Variants in AHNAK observed in about 807,000 individuals in gnomAD.
AHNAK encodes the protein AHNAK nucleoprotein, also known as neuroblast differentiation-associated protein AHNAK.
A neutral mutation model predicts 37.8 loss-of-function variants in AHNAK; 23 were observed. That is an observed-to-expected ratio of 0.61 (90% CI 0.44 to 0.86). The LOEUF (loss-of-function observed/expected upper bound fraction) is 0.86, where lower values mean the gene tolerates loss of function less well. Among genes scored for constraint, AHNAK ranks in the 40% least tolerant of loss-of-function variants. AHNAK has a pLI of 0.00. For missense variants in AHNAK, 7,411 were observed against 7,319.4 expected (o/e 1.01, Z -0.46); for synonymous variants, 2,481 against 2,636.3 (o/e 0.94, Z 1.80).
chr11:62,437,557 C>G (rs558093717), intron 5 of AHNAK, among the ~76,000 whole-genome samples: 1 of 152,270 alleles, frequency 6.6e-6, no homozygotes, highest in African/African-American at 2.4e-5. Context: ...CGGGGTTTCA[C>G]CATATTGGCA....
At chr11:62,470,083 T>C (rs1487118710) in intron 5 of AHNAK, among the ~76,000 whole-genome samples, 1 of 151,962 alleles carries the variant, frequency 6.6e-6, no homozygotes, top group Middle Eastern at 3.2e-3. Flanking sequence ...GGTGGGCGGA[T>C]CACAAAGTCA....
In AHNAK at chr11:62,522,525, T is replaced by G; in HGVS notation, c.11892A>C (p.Ser3964=). ...VNLPKADLDV[S]GPKVDVDVPD... is the part of the protein sequence containing the mutation. ...GAACATCAACGTCCACCTTGGGTCC[T>G]GAGACGTCAAGGTCAGCCTTGGGCA... is the stretch of plus-strand genomic sequence containing the variant. Residue 3964 remains serine, a synonymous_variant, in exon 5 of 5, where the codon TCA becomes TCC. Coordinates refer to ENST00000378024, the MANE Select transcript of AHNAK (RefSeq NM_001620.3). 6.2e-7 allele frequency: 1 copy of G among 1,613,996 alleles called. No homozygotes were observed. The highest frequency in any genetic ancestry group is 8.5e-7 in the Non-Finnish European group (1 of 1,180,026).
intron 5 of AHNAK, among the ~76,000 whole-genome samples, chr11:62,488,470 C>T (rs528304805): frequency 1.3e-5 from 2 of 151,926 alleles, no homozygotes; most frequent in African/African-American, 2.4e-5. Context: ...GGCGCGATCC[C>T]AGTTCACTGC....
chr11:62,462,155 CT>C (rs1233959981), intron 5 of AHNAK, among the ~76,000 whole-genome samples: 7 of 152,152 alleles, frequency 4.6e-5, no homozygotes, highest in African/African-American at 1.7e-4. Context: ...TGGAACTCCT[CT>C]TGTCAGCGTC....
intron 5 of AHNAK, among the ~76,000 whole-genome samples, chr11:62,486,913 T>G (rs1939407345): frequency 6.6e-6 from 1 of 151,978 alleles, no homozygotes; most frequent in Non-Finnish European, 1.5e-5. Context: ...TCTGCCCCCA[T>G]CCCACCAAGA....
intron 5 of AHNAK, among the ~76,000 whole-genome samples, chr11:62,457,710 T>G (rs1938691589): frequency 1.3e-5 from 2 of 152,086 alleles, no homozygotes; most frequent in Non-Finnish European, 2.9e-5. Flanking sequence ...ATTTCTCACT[T>G]ATAAGTGGGA....
intron 5 of AHNAK, among the ~76,000 whole-genome samples, chr11:62,484,734 T>C (rs1939353947): frequency 6.6e-6 from 1 of 152,132 alleles, no homozygotes; most frequent in South Asian, 2.1e-4. Flanking sequence ...CCACGGAAGG[T>C]CATGAGTGAG....
intron 5 of AHNAK, among the ~76,000 whole-genome samples, chr11:62,451,573 A>G (rs7936094): frequency 0.15 from 23,402 of 151,792 alleles, 2,010 homozygotes; most frequent in African/African-American, 0.21. Flanking sequence ...CCCCGTCTCT[A>G]CTAGAAATAC....
chr11:62,488,053 G>A (rs913756625), intron 5 of AHNAK, among the ~76,000 whole-genome samples: 4 of 152,168 alleles, frequency 2.6e-5, no homozygotes, highest in African/African-American at 9.7e-5. Context: ...GAAAAGCCAC[G>A]GAAGTTCCTC....
chr11:62,508,640 A>G (rs1352607529), intron 4 of AHNAK, among the ~76,000 whole-genome samples: 1 of 152,262 alleles, frequency 6.6e-6, no homozygotes, highest in Non-Finnish European at 1.5e-5. Flanking sequence ...AATGTTCCCT[A>G]CACATTTGCT....
At position 62,521,184 on chromosome 11, in the gene AHNAK, T is replaced by C; in HGVS notation, c.13233A>G (p.Glu4411=). Residue 4411 remains glutamate (E), a synonymous_variant, in exon 5 of 5, where the codon GAA becomes GAG. Coordinates refer to ENST00000378024, the MANE Select transcript of AHNAK (RefSeq NM_001620.3). The part of the protein sequence containing the change: ...GDVDVSLPKV[E]GDLKGPEIDI... ...CAATTTCAGGGCCCTTGAGATCACCTTCCACTTTGGGCAGAGAGACATCCA... is the reference window on the plus strand; with the variant it reads ...CAATTTCAGGGCCCTTGAGATCACCCTCCACTTTGGGCAGAGAGACATCCA... 1.2e-6 allele frequency: 2 copies of C among 1,614,158 alleles called. No individual in the cohort carries two copies. Among genetic ancestry groups the C allele is most frequent in the Non-Finnish European group, 1.7e-6 (2 of 1,180,024 alleles).
At position 62,528,661 on chromosome 11, in the gene AHNAK, G is replaced by T; in HGVS notation, c.5756C>A (p.Ala1919Asp). The stretch of plus-strand genomic sequence containing the variant: ...CACATCAGGCATGGAGATCTTGGGG[G>T]CCTTGAAGTGCATGTCTGGCATCTT... Reference protein sequence around the residue: ...KFKMPDMHFKAPKISMPDVDL... With the variant: ...KFKMPDMHFKDPKISMPDVDL... Residue 1919 changes from alanine to aspartate, a missense_variant, in exon 5 of 5, where the codon GCC becomes GAC. Transcript: ENST00000378024. 6.2e-7 allele frequency: 1 copy of T among 1,609,714 alleles called. No homozygotes were observed. Among genetic ancestry groups the T allele is most frequent in the Non-Finnish European group, 8.5e-7 (1 of 1,179,176 alleles).
chr11:62,544,856 C>T (rs1182489061), intron 1 of AHNAK, among the ~76,000 whole-genome samples: 2 of 152,190 alleles, frequency 1.3e-5, no homozygotes, highest in South Asian at 4.1e-4. Flanking sequence ...CGCCTTCCCC[C>T]ACTCTCAGCT....
intron 5 of AHNAK, among the ~76,000 whole-genome samples, chr11:62,437,344 A>G (rs1439307778): frequency 6.6e-6 from 1 of 152,170 alleles, no homozygotes; most frequent in African/African-American, 2.4e-5. Flanking sequence ...ATAGGCACTC[A>G]AACCCCTCAG....
At chr11:62,484,676 T>G (rs1410726487) in intron 5 of AHNAK, among the ~76,000 whole-genome samples, 2 of 152,182 alleles carry the variant, frequency 1.3e-5, no homozygotes, top group Non-Finnish European at 2.9e-5. Flanking sequence ...TATGGAAGCC[T>G]CTACGCTACC....
At chr11:62,448,625 A>T (rs182539161) in intron 5 of AHNAK, among the ~76,000 whole-genome samples, 17 of 152,326 alleles carry the variant, frequency 1.1e-4, no homozygotes, top group African/African-American at 4.1e-4. Flanking sequence ...TGGGGGAGGC[A>T]AATCATTTTG....
At chr11:62,471,364 G>A (rs1432932494) in intron 5 of AHNAK, among the ~76,000 whole-genome samples, 9 of 152,136 alleles carry the variant, frequency 5.9e-5, no homozygotes, top group African/African-American at 1.4e-4. Flanking sequence ...TAGTAGAGAC[G>A]GAGTTTCGCC....
Position 62,531,845 on chromosome 11 carries a change from T to C in AHNAK, c.2572A>G (p.Lys858Glu), listed in dbSNP as rs200124790. 1.6e-5 allele frequency: 26 copies of C among 1,613,688 alleles called. No individual in the cohort carries two copies. In the Middle Eastern group the frequency reaches 6.6e-4, roughly 41 times the overall value. ...KVPDVELKSA[K>E]MDIDVPDVEV... ...ACATCTGGGACATCAATGTCCATTTTGGCACTTTTAAGTTCAACATCAGGA... is the reference window on the plus strand; with the variant it reads ...ACATCTGGGACATCAATGTCCATTTCGGCACTTTTAAGTTCAACATCAGGA... The change falls in exon 5 of 5, where the codon AAA becomes GAA. Residue 858 changes from lysine (K) to glutamate (E), a missense_variant. Coordinates refer to ENST00000378024, the MANE Select transcript of AHNAK (RefSeq NM_001620.3).
downstream of AHNAK, among the ~76,000 whole-genome samples, chr11:62,510,902 TTCAAAATAAA>T (rs1210635004): frequency 2.0e-5 from 3 of 151,996 alleles, no homozygotes; most frequent in East Asian, 5.8e-4. Flanking sequence ...TAGATTTGCA[TTCAAAATAAA>T]TACACTTTAA....
Sources: gnomAD v4.1 joint callset for allele counts (sites outside exome capture counted in the v4.1 genomes callset) on GRCh38, gnomAD v4.1.1 for gene constraint, MANE v1.5 for transcripts, NCBI Gene and HGNC (gene_info 2026-07-23, HGNC 2026-07-21) for gene names.